TBCK: variants seen among roughly 807,000 people sequenced by gnomAD.
The protein encoded by TBCK is TBC1 domain containing kinase.
TBCK carries 99 observed loss-of-function variants against 113.4 expected under a neutral mutation model. The observed-to-expected ratio is 0.87, with a 90% CI of 0.74 to 1.03. The LOEUF (loss-of-function observed/expected upper bound fraction) is 1.03. TBCK is among the 50% of genes least tolerant of loss of function. TBCK has a pLI of 0.00. For synonymous variants in TBCK, 369 were observed against 370.8 expected (o/e 1.00, Z 0.05); for missense variants, 1,045 against 1,061.3 (o/e 0.98, Z 0.21).
chr4:106,168,830 C>G (rs1234561152), intron 23 of TBCK, among the ~76,000 whole-genome samples: 1 of 151,454 alleles, frequency 6.6e-6, no homozygotes, highest in Non-Finnish European at 1.5e-5. Context: ...TGAAAGAAAT[C>G]CAACAACTAG....
At chr4:106,291,484 A>C (rs918650498) in intron 3 of TBCK, among the ~76,000 whole-genome samples, 12 of 152,218 alleles carry the variant, frequency 7.9e-5, no homozygotes, top group Non-Finnish European at 1.6e-4. Context: ...TTTGTATGCT[A>C]TGTGGCGACC....
At chr4:106,107,082 C>T (rs192969572) in intron 24 of TBCK, among the ~76,000 whole-genome samples, 1 of 151,566 alleles carries the variant, frequency 6.6e-6, no homozygotes, top group Non-Finnish European at 1.5e-5. Context: ...TTTAATAAGA[C>T]CTAACTATTC....
intron 3 of TBCK, among the ~76,000 whole-genome samples, chr4:106,294,209 G>A (rs1356111565): frequency 7.7e-6 from 1 of 129,538 alleles, no homozygotes; most frequent in African/African-American, 2.9e-5. Flanking sequence ...TTTTTTTTTT[G>A]AGATGGAGTC....
chr4:106,057,821 A>G (rs1042780768), intron 25 of TBCK, among the ~76,000 whole-genome samples: 5 of 151,742 alleles, frequency 3.3e-5, no homozygotes, highest in African/African-American at 1.2e-4. Flanking sequence ...TCTGCCTTCA[A>G]TTTTAATCAT....
intron 19 of TBCK, among the ~76,000 whole-genome samples, chr4:106,226,155 C>T (rs1758224589): frequency 6.6e-6 from 1 of 151,914 alleles, no homozygotes; most frequent in Non-Finnish European, 1.5e-5. Flanking sequence ...AAGAGCCAGA[C>T]CTTGTATCAA....
intron 2 of TBCK, among the ~76,000 whole-genome samples, chr4:106,305,516 TA>T (rs1392030186): frequency 6.6e-6 from 1 of 151,890 alleles, no homozygotes; most frequent in Non-Finnish European, 1.5e-5. Context: ...AATATATATA[TA>T]TTTTTTATTA....
chr4:106,065,644 A>T (rs1285597577), intron 25 of TBCK, among the ~76,000 whole-genome samples: 1 of 151,930 alleles, frequency 6.6e-6, no homozygotes, highest in African/African-American at 2.4e-5. Flanking sequence ...GAGATCTAGG[A>T]CTCCACTTCA....
At chr4:106,316,398 C>T (rs1300921326), upstream of TBCK, 2 of 720,244 alleles carry the variant, frequency 2.8e-6, no homozygotes, top group South Asian at 3.4e-5. Flanking sequence ...GAATGGAAGA[C>T]GAGGAGCGTG....
chr4:106,212,906 T>C (rs1487262472), intron 19 of TBCK, 71 bp from the exon 20 acceptor site: 4 of 949,424 alleles, frequency 4.2e-6, no homozygotes, highest in African/African-American at 1.6e-5. Flanking sequence ...TCAAATATAG[T>C]TTTATTTATA....
chr4:106,278,274 T>C (rs1157649610), intron 3 of TBCK, among the ~76,000 whole-genome samples: 2 of 152,038 alleles, frequency 1.3e-5, no homozygotes, highest in African/African-American at 4.8e-5. Context: ...AAAGAGTTCA[T>C]GGGCTGGGCG....
At chr4:106,236,274 G>C (rs1459424185) in intron 14 of TBCK, 116 bp downstream of exon 14, 2 of 697,306 alleles carry the variant, frequency 2.9e-6, no homozygotes, top group East Asian at 7.0e-5. Context: ...AACTGAACAA[G>C]ATAGGTCATA....
chr4:106,111,113 G>A (rs1270470877), intron 24 of TBCK, among the ~76,000 whole-genome samples: 1 of 152,014 alleles, frequency 6.6e-6, no homozygotes. Context: ...TACCCCTAAC[G>A]TGGCTCTCTC....
intron 11 of TBCK, 114 bp downstream of exon 11, chr4:106,244,512 T>C: frequency 2.0e-6 from 2 of 1,006,868 alleles, no homozygotes; most frequent in Non-Finnish European, 2.6e-6. Flanking sequence ...CAAAAAAATT[T>C]TAAAAACAAC....
chr4:106,161,539 T>C (rs1261396675), intron 23 of TBCK, among the ~76,000 whole-genome samples: 11 of 152,142 alleles, frequency 7.2e-5, no homozygotes, highest in Admixed American at 7.2e-4. Context: ...GGAGAAAGTG[T>C]CTGACCCAGT....
intron 22 of TBCK, among the ~76,000 whole-genome samples, chr4:106,185,549 G>T (rs755696644): frequency 2.6e-5 from 4 of 151,950 alleles, no homozygotes; most frequent in Admixed American, 2.6e-4. Flanking sequence ...TCATATAAGT[G>T]GAATCATGCT....
At chr4:106,187,892 T>C (rs1579175681) in intron 22 of TBCK, among the ~76,000 whole-genome samples, 1 of 152,236 alleles carries the variant, frequency 6.6e-6, no homozygotes, top group East Asian at 1.9e-4. Flanking sequence ...TTTATATATA[T>C]TGATTTTTTA....
At chr4:106,104,203 G>T (rs1441548324) in intron 24 of TBCK, among the ~76,000 whole-genome samples, 1 of 152,178 alleles carries the variant, frequency 6.6e-6, no homozygotes, top group Non-Finnish European at 1.5e-5. Context: ...GAAAGAGGCC[G>T]AATCCAGAAG....
At chr4:106,080,777 G>A (rs186502029) in intron 25 of TBCK, among the ~76,000 whole-genome samples, 141 of 152,122 alleles carry the variant, frequency 9.3e-4, no homozygotes, top group Non-Finnish European at 3.2e-4. Context: ...CTATCCATCT[G>A]ACAAAGGTCT....
chr4:106,175,949 T>C (rs550188220), intron 22 of TBCK, among the ~76,000 whole-genome samples: 8 of 152,266 alleles, frequency 5.3e-5, no homozygotes, highest in South Asian at 2.1e-4. Flanking sequence ...GAGCCCTTTT[T>C]TGACTAGGGT....
Sources: allele counts gnomAD v4.1 joint callset (sites outside exome capture counted in the v4.1 genomes callset), GRCh38; gene constraint gnomAD v4.1.1; transcripts MANE v1.5; gene names NCBI Gene and HGNC (gene_info 2026-07-23, HGNC 2026-07-21).